ELP6: variants seen among roughly 807,000 people sequenced by gnomAD.
ELP6 encodes elongator acetyltransferase complex subunit 6.
Under a neutral mutation model 28.1 loss-of-function variants are expected in ELP6, and 23 were observed. The observed-to-expected ratio is 0.82, with a 90% CI of 0.59 to 1.16. ELP6 has a LOEUF of 1.16. ELP6 is among the 50% of genes most tolerant of loss of function. The probability of loss-of-function intolerance (pLI) is 0.00; values close to 1 mark genes in which losing one functional copy is unlikely to be tolerated. For synonymous variants in ELP6, 132 were observed against 135.8 expected, an observed-to-expected ratio of 0.97 and a Z score of 0.19; for missense variants, 313 against 334.6, an observed-to-expected ratio of 0.94 and a Z score of 0.50.
At chr3:47,502,360 C>T (rs559680190) in intron 4 of ELP6, 9 of 951,270 alleles carry the variant, frequency 9.5e-6, no homozygotes, top group African/African-American at 5.6e-5. Flanking sequence ...CAGTGAGCCA[C>T]GACTGAGATC....
intron 5 of ELP6, chr3:47,500,540 C>T (rs1017939353): frequency 3.9e-5 from 6 of 152,046 alleles, no homozygotes; most frequent in African/African-American, 1.2e-4. Context: ...TAAACAATGC[C>T]CAAGTTTTAC....
intron 6 of ELP6, among the ~76,000 whole-genome samples, chr3:47,497,618 TGA>T (rs1391359216): frequency 1.3e-5 from 2 of 148,960 alleles, no homozygotes; most frequent in East Asian, 4.3e-4. Context: ...ATTACAGGTG[TGA>T]GTCTCCACCT....
chr3:47,499,904 G>A lies in ELP6; in HGVS notation c.526-1472C>T, dbSNP rs150958282. ...GGACCCGGAGGCGAAGCATATGGAG[G>A]TGGAGGACGTGACCCTCAACCGTCG... On this transcript the variant is annotated intron_variant, in intron 5 of 6. Coordinates refer to ENST00000296149, the MANE Select transcript of ELP6 (RefSeq NM_001031703.3). 2.3e-4 allele frequency: 305 copies of A among 1,314,988 alleles called. 1 individual carries two copies. In the East Asian group the frequency reaches 0.014, roughly 60 times the overall value. The allele number at this position is 1,314,988 out of a possible 1,614,324, so 81.5% of individuals were successfully genotyped here.
chr3:47,509,164 G>T (rs1708937139), intron 3 of ELP6, among the ~76,000 whole-genome samples: 1 of 151,892 alleles, frequency 6.6e-6, no homozygotes, highest in African/African-American at 2.4e-5. Context: ...GTTTTGCTAT[G>T]CTGGCCAGGC....
In ELP6 at chr3:47,496,183, C is replaced by T. The variant is rs1404815257; in HGVS notation, c.687G>A (p.Trp229Ter). Reference protein sequence around the residue: ...RDVHGQLRILWRRPSQPAVHR... With the variant: ...RDVHGQLRIL ...GGACTGCGGGCTGCGATGGTCTCCT[C>T]CACAGGATCCTCAGCTACAGAGACA... The change falls in exon 7 of 7, where the codon TGG (tryptophan) becomes TGA (stop). Residue 229 changes from tryptophan to a stop codon, truncating the protein, a stop_gained. Transcript: ENST00000296149. LOFTEE classifies it high-confidence loss of function. The T allele has an allele frequency of 3.1e-6, 5 of 1,613,826 alleles. No individual in the cohort carries two copies. The highest frequency in any genetic ancestry group is 4.2e-6 in the Non-Finnish European group (5 of 1,180,004).
chr3:47,513,180 G>A, intron 1 of ELP6: 1 of 976,786 alleles, frequency 1.0e-6, no homozygotes. Context: ...TCGTAGAGAC[G>A]GGGGTTTCAC....
At chr3:47,512,969 T>C in intron 1 of ELP6, 2 of 983,134 alleles carry the variant, frequency 2.0e-6, no homozygotes, top group Non-Finnish European at 2.4e-6. Context: ...CCAACCCCAC[T>C]GTCGGCCATG....
At chr3:47,501,242 A>G (rs1708640408) in intron 5 of ELP6, among the ~76,000 whole-genome samples, 1 of 152,216 alleles carries the variant, frequency 6.6e-6, no homozygotes, top group Non-Finnish European at 1.5e-5. Flanking sequence ...TTTGTCCCTC[A>G]TAACTTGGTA....
intron 1 of ELP6, chr3:47,512,786 T>A (rs911924648): frequency 3.2e-6 from 3 of 932,812 alleles, no homozygotes; most frequent in Admixed American, 6.2e-5. Flanking sequence ...TTCAATACAA[T>A]GTGCCAATTG....
intron 1 of ELP6, 176 bp downstream of exon 1, chr3:47,513,361 C>G: frequency 7.1e-7 from 1 of 1,407,024 alleles, no homozygotes; most frequent in Non-Finnish European, 9.2e-7. Flanking sequence ...AGCCCACTTT[C>G]GGCGGGCCCA....
Position 47,502,958 on chromosome 3 carries a change from T to C in ELP6, c.324-1107A>G, listed in dbSNP as rs370612372. On this transcript the variant is annotated intron_variant, in intron 4 of 6. Coordinates refer to ENST00000296149, the MANE Select transcript of ELP6 (RefSeq NM_001031703.3). ...TGACCTGTTTCTGACACAAGCCAGC[T>C]TGCCTATCTCCGTCTTCTCCAGTGA... 1.9e-4 allele frequency among the ~76,000 whole-genome samples: 29 copies of C among 152,214 alleles called. 1 individual carries two copies. The highest frequency in any genetic ancestry group is 1.7e-3 in the East Asian group (9 of 5,206).
At chr3:47,503,627 G>T (rs1485209665) in intron 4 of ELP6, among the ~76,000 whole-genome samples, 2 of 152,144 alleles carry the variant, frequency 1.3e-5, no homozygotes, top group Non-Finnish European at 2.9e-5. Context: ...TTTTGGCCGG[G>T]CGCGGTGGCT....
intron 3 of ELP6, 70 bp from the exon 4 acceptor site, chr3:47,504,518 A>G (rs780547899): frequency 4.0e-6 from 6 of 1,483,400 alleles, no homozygotes; most frequent in Admixed American, 2.2e-5. Context: ...GCCAGCTTGC[A>G]AGAGGGCATA....
chr3:47,512,826 C>T, intron 1 of ELP6: 2 of 969,410 alleles, frequency 2.1e-6, no homozygotes, highest in Non-Finnish European at 2.5e-6. Flanking sequence ...TTAGGAAGCT[C>T]GCCCATGAAG....
Position 47,507,331 on chromosome 3 carries a change from AG to A in ELP6, c.204+2852del, listed in dbSNP as rs538976896. On this transcript the variant is annotated intron_variant, in intron 3 of 6. Coordinates refer to ENST00000296149, the MANE Select transcript of ELP6 (RefSeq NM_001031703.3). ...AGCTGAGATCACACCATTGCACTCC[AG>A]CCTGGGCAACAAGAGTGAAACTCTG... 8.2e-3 allele frequency among the ~76,000 whole-genome samples: 1,219 copies of A among 149,420 alleles called. 18 individuals are homozygous for A. The highest frequency in any genetic ancestry group is 0.029 in the African/African-American group (1,165 of 40,608).
At position 47,496,969 on chromosome 3, in the gene ELP6, C is replaced by T. The variant is rs1708496842; in HGVS notation, c.673-772G>A. ...CTGGCTGAAGAGAGGCCACAGCTGC[C>T]CAGCAGCACCTTCTCCTCAGGCCCT... On this transcript the variant is annotated intron_variant, in intron 6 of 6. Transcript: ENST00000296149. 3 of 985,396 alleles carry T rather than the reference C, an allele frequency of 3.0e-6. No homozygotes were observed. The South Asian group carries it at 1.4e-4, about 46-fold the overall frequency. The allele number at this position is 985,396 out of a possible 1,614,324, so 61.0% of individuals were successfully genotyped here.
At chr3:47,505,151 C>T (rs1446957264) in intron 3 of ELP6, among the ~76,000 whole-genome samples, 3 of 151,996 alleles carry the variant, frequency 2.0e-5, no homozygotes, top group Non-Finnish European at 4.4e-5. Context: ...CCTGCAATCC[C>T]AGCTACTCAG....
intron 4 of ELP6, among the ~76,000 whole-genome samples, chr3:47,502,880 T>A (rs950580609): frequency 6.6e-6 from 1 of 152,100 alleles, no homozygotes; most frequent in Non-Finnish European, 1.5e-5. Flanking sequence ...AGCAACTCAG[T>A]TGCCCTGATG....
chr3:47,508,438 G>A (rs536642611), intron 3 of ELP6, among the ~76,000 whole-genome samples: 5 of 152,084 alleles, frequency 3.3e-5, no homozygotes, highest in South Asian at 4.2e-4. Context: ...TAGAATGCAC[G>A]CCCCATGAGT....
Sources: gnomAD v4.1 joint callset for allele counts (sites outside exome capture counted in the v4.1 genomes callset) on GRCh38, gnomAD v4.1.1 for gene constraint, MANE v1.5 for transcripts, NCBI Gene and HGNC (gene_info 2026-07-23, HGNC 2026-07-21) for gene names.